The following KIAA1217 variants were observed in gnomAD, a reference collection of about 807,000 sequenced individuals.
KIAA1217 encodes sickle tail protein homolog.
In KIAA1217, 88 loss-of-function variants were observed where a neutral mutation model predicts 163.9. The ratio of observed to expected loss-of-function variants is 0.54; its 90% confidence interval spans 0.45 to 0.64. The LOEUF (loss-of-function observed/expected upper bound fraction) is 0.64, where lower values mean the gene tolerates loss of function less well. KIAA1217 is among the 30% of genes least tolerant of loss of function. KIAA1217 has a pLI of 0.00. For missense variants in KIAA1217, 2,372 were observed against 2,475.0 expected (o/e 0.96, Z 0.88); for synonymous variants, 903 against 923.1 (o/e 0.98, Z 0.39).
At chr10:24,404,335 A>G (rs1265115685) in intron 3 of KIAA1217, among the ~76,000 whole-genome samples, 2 of 152,066 alleles carry the variant, frequency 1.3e-5, no homozygotes, top group East Asian at 3.9e-4. Context: ...CTGGGAGGCC[A>G]AGGTGGGCAC....
intron 1 of KIAA1217, among the ~76,000 whole-genome samples, chr10:23,794,025 G>A (rs1038716926): frequency 9.9e-5 from 15 of 152,146 alleles, no homozygotes; most frequent in Admixed American, 9.8e-4. Flanking sequence ...CTTCCAAATA[G>A]TCTTCATTTT....
intron 2 of KIAA1217, among the ~76,000 whole-genome samples, chr10:24,356,290 G>C (rs781548042): frequency 6.6e-6 from 1 of 152,198 alleles, no homozygotes; most frequent in East Asian, 1.9e-4. Context: ...AGTTGCCCCA[G>C]TACAAAGCCT....
chr10:23,990,020 C>A (rs1432550603), intron 1 of KIAA1217, among the ~76,000 whole-genome samples: 1 of 152,236 alleles, frequency 6.6e-6, no homozygotes, highest in Non-Finnish European at 1.5e-5. Context: ...CAGTACTATT[C>A]TCACATGTCC....
intron 6 of KIAA1217, among the ~76,000 whole-genome samples, chr10:24,485,424 C>G (rs976195974): frequency 1.3e-5 from 2 of 152,180 alleles, no homozygotes; most frequent in East Asian, 3.9e-4. Context: ...CTTTCTGCTG[C>G]TTCGTGCATT....
chr10:24,001,811 C>T (rs1348272133), intron 1 of KIAA1217, among the ~76,000 whole-genome samples: 1 of 152,202 alleles, frequency 6.6e-6, no homozygotes, highest in Non-Finnish European at 1.5e-5. Flanking sequence ...CTCTTAGCCA[C>T]TACTTCATGC....
intron 1 of KIAA1217, among the ~76,000 whole-genome samples, chr10:23,944,088 C>G (rs1012200831): frequency 1.3e-5 from 2 of 152,098 alleles, no homozygotes; most frequent in Admixed American, 6.6e-5. Context: ...TTGGACTTTA[C>G]CAAAATTGAG....
chr10:23,876,819 G>T (rs1483131916), intron 1 of KIAA1217, among the ~76,000 whole-genome samples: 3 of 151,804 alleles, frequency 2.0e-5, no homozygotes, highest in African/African-American at 7.3e-5. Flanking sequence ...AGCTGTATAT[G>T]CTTAGGGCTG....
chr10:24,286,759 A>G (rs2078584956), intron 2 of KIAA1217, among the ~76,000 whole-genome samples: 1 of 152,182 alleles, frequency 6.6e-6, no homozygotes, highest in South Asian at 2.1e-4. Context: ...TTTTACTCCA[A>G]ACTCTTGGTG....
At chr10:23,900,160 C>A (rs1841895134) in intron 1 of KIAA1217, among the ~76,000 whole-genome samples, 1 of 151,922 alleles carries the variant, frequency 6.6e-6, no homozygotes, top group Non-Finnish European at 1.5e-5. Context: ...CCCCCACCAC[C>A]ACTCCTGGTT....
intron 2 of KIAA1217, among the ~76,000 whole-genome samples, chr10:24,193,221 AAC>A (rs996226672): frequency 8.5e-5 from 13 of 152,176 alleles, no homozygotes; most frequent in African/African-American, 2.9e-4. Flanking sequence ...CACCACACCT[AAC>A]CTAAGCTTAC....
Position 23,782,089 on chromosome 10 carries a change from A to G in KIAA1217, c.-321+86855A>G, listed in dbSNP as rs139335077. On this transcript the variant is annotated intron_variant, in intron 1 of 18. Coordinates refer to the KIAA1217 transcript ENST00000376462. ...AATTAAAAAAAAAATTTTTTTTTCTATTTTCATGAAGAATGCCATTGGCAT... is the reference window on the plus strand; with the variant it reads ...AATTAAAAAAAAAATTTTTTTTTCTGTTTTCATGAAGAATGCCATTGGCAT... Among the ~76,000 whole-genome samples the G allele has an allele frequency of 1.2e-3, 185 of 151,732 alleles. 3 individuals carry two copies. In the East Asian group the frequency reaches 0.029, roughly 23 times the overall value.
chr10:23,960,710 A>G (rs538241374), intron 1 of KIAA1217, among the ~76,000 whole-genome samples: 2 of 152,376 alleles, frequency 1.3e-5, no homozygotes, highest in African/African-American at 4.8e-5. Flanking sequence ...GCCAGGGCCA[A>G]TAAATAAATG....
chr10:24,399,192 T>C (rs1314068019), intron 3 of KIAA1217, among the ~76,000 whole-genome samples: 1 of 152,238 alleles, frequency 6.6e-6, no homozygotes, highest in Non-Finnish European at 1.5e-5. Flanking sequence ...GTAAGTACTC[T>C]GTAAATTAGC....
At chr10:24,392,280 C>T (rs1002304566) in intron 3 of KIAA1217, among the ~76,000 whole-genome samples, 4 of 152,128 alleles carry the variant, frequency 2.6e-5, no homozygotes, top group Non-Finnish European at 2.9e-5. Flanking sequence ...CTTCCAACAA[C>T]TCTTATATCT....
At chr10:23,971,517 CTAT>C (rs1845317626) in intron 1 of KIAA1217, among the ~76,000 whole-genome samples, 1 of 152,196 alleles carries the variant, frequency 6.6e-6, no homozygotes, top group South Asian at 2.1e-4. Context: ...ACAGTAACAA[CTAT>C]ACCTTCCTTC....
At chr10:23,876,217 AT>A (rs1840686793) in intron 1 of KIAA1217, among the ~76,000 whole-genome samples, 1 of 152,006 alleles carries the variant, frequency 6.6e-6, no homozygotes, top group Non-Finnish European at 1.5e-5. Context: ...TCCTGAGTGA[AT>A]TAACACAGAA....
At chr10:24,251,032 G>C (rs2074445452) in intron 2 of KIAA1217, among the ~76,000 whole-genome samples, 1 of 151,894 alleles carries the variant, frequency 6.6e-6, no homozygotes, top group Admixed American at 6.6e-5. Flanking sequence ...TTTGAGACCA[G>C]CCTGGGCAAC....
Position 23,695,387 on chromosome 10 carries a change from A to AC in KIAA1217, c.-321+160dup, listed in dbSNP as rs922400791. Among the ~76,000 whole-genome samples, 35 of 151,380 alleles carry AC rather than the reference A, an allele frequency of 2.3e-4. No individual in the cohort carries two copies. The highest frequency in any genetic ancestry group is 6.6e-4 in the African/African-American group (27 of 41,218). ...GTGAGCGTTTCGAGAGAGGGCAAGG[A>AC]CCCCCCCAGGAGGGCCAGGCCGGGA... On this transcript the variant is annotated intron_variant, in intron 1 of 18. Transcript: ENST00000376462. This position sits in a 1 kb window ranked among gnomAD's most constrained non-coding sequence, Gnocchi z 4.9.
At chr10:24,524,787 C>T in intron 13 of KIAA1217, 23 bp downstream of exon 13, 1 of 1,548,118 alleles carries the variant, frequency 6.5e-7, no homozygotes, top group African/African-American at 1.4e-5. Flanking sequence ...TTCTGTTTCT[C>T]ATAACCCCAT....
Sources: gnomAD v4.1 joint callset for allele counts (sites outside exome capture counted in the v4.1 genomes callset) on GRCh38, gnomAD v4.1.1 for gene constraint, Gnocchi (gnomAD v3.1) non-coding constraint, MANE v1.5 for transcripts, NCBI Gene and HGNC (gene_info 2026-07-23, HGNC 2026-07-21) for gene names.